TCF24: variants seen among roughly 807,000 people sequenced by gnomAD.
TCF24 encodes the protein transcription factor 24.
TCF24 carries 5 observed loss-of-function variants against 9.3 expected under a neutral mutation model. That is an observed-to-expected ratio of 0.54 (90% CI 0.28 to 1.13). The LOEUF (loss-of-function observed/expected upper bound fraction) is 1.13. Ranked by LOEUF, TCF24 falls within the 50% of genes most tolerant of loss-of-function variation. The pLI is 0.09. For synonymous variants in TCF24, 110 were observed against 115.8 expected (o/e 0.95, Z 0.32); for missense variants, 220 against 236.1 (o/e 0.93, Z 0.45).
chr8:66,953,612 C>G (rs895791492), intron 3 of TCF24, among the ~76,000 whole-genome samples: 16 of 151,558 alleles, frequency 1.1e-4, no homozygotes, highest in Non-Finnish European at 4.4e-5. Context: ...TTGTGGCGTT[C>G]TCTGTATTTC....
At chr8:66,955,381 TA>T (rs754507682) in intron 3 of TCF24, among the ~76,000 whole-genome samples, 1,752 of 135,944 alleles carry the variant, frequency 0.013, 16 homozygotes, top group African/African-American at 0.033. Flanking sequence ...AGAGAGGGAC[TA>T]AAAAAAAAAA....
intron 3 of TCF24, among the ~76,000 whole-genome samples, chr8:66,952,548 G>A (rs931647255): frequency 2.5e-3 from 379 of 151,430 alleles, no homozygotes; most frequent in Non-Finnish European, 3.6e-3. Context: ...GTGTGGTGTG[G>A]TGCTGAAAAA....
intron 3 of TCF24, among the ~76,000 whole-genome samples, chr8:66,949,776 T>C (rs1186742176): frequency 6.6e-6 from 1 of 150,620 alleles, no homozygotes; most frequent in Non-Finnish European, 1.5e-5. Flanking sequence ...TGTTGTTTCC[T>C]GACTTTTTAA....
intron 2 of TCF24, 26 bp downstream of exon 2, chr8:66,961,851 C>A: frequency 1.0e-6 from 1 of 994,054 alleles, no homozygotes; most frequent in South Asian, 4.7e-5. Context: ...AGAGGCGCAG[C>A]CCCCTGGTTC....
rs1479640672 is a variant in TCF24 at position 66,946,914 on chromosome 8, T to TTAAAAAAAAG, written c.*1136_*1137insCTTTTTTTTA. ...GAAATTCTTGCTGTTAAATTTAGTG[T>TTAAAAAAAAG]TTACAATTCAGTTTGAGGTAACTTT... On this transcript the variant is annotated 3_prime_UTR_variant, in exon 4 of 4. Coordinates refer to ENST00000563496, the MANE Select transcript of TCF24 (RefSeq NM_001193502.2). 2.6e-5 allele frequency: 4 copies of TTAAAAAAAAG among 152,194 alleles called. No homozygotes were observed. Among genetic ancestry groups the TTAAAAAAAAG allele is most frequent in the Admixed American group, 6.5e-5 (1 of 15,270 alleles). The allele number at this position is 152,194 out of a possible 1,614,324, so 9.4% of individuals were successfully genotyped here.
chr8:66,961,693 G>C lies in TCF24; in HGVS notation c.73C>G (p.Arg25Gly), dbSNP rs919062482. 1.8e-6 allele frequency: 2 copies of C among 1,092,122 alleles called. No individual in the cohort carries two copies. The highest frequency in any genetic ancestry group is 2.2e-6 in the Non-Finnish European group (2 of 899,972). The allele number at this position is 1,092,122 out of a possible 1,614,324, so 67.7% of individuals were successfully genotyped here. The change falls in exon 3 of 4, where the codon CGC (arginine) becomes GGC (glycine). Residue 25 changes from arginine to glycine, a missense_variant. Physicochemically the swap from Arg to Gly is moderately radical, Grantham distance 125. Transcript: ENST00000563496. The stretch of plus-strand genomic sequence containing the variant: ...CCGGTCCGCCCGGGACGCGAGTCGC[G>C]GATGGCGGCGGCCAGGGGCGCGGGC... Reference protein sequence around the residue: ...AEPAPLAAAIRDSRPGRTGPG... With the variant: ...AEPAPLAAAIGDSRPGRTGPG...
In TCF24 at chr8:66,947,822, C is replaced by T. The variant is rs932965785; in HGVS notation, c.*229G>A. ...TCATGTGACTTTTTTCTAATAATTT[C>T]TCTTGCACTATATAGTAGTGACTCT... On this transcript the variant is annotated 3_prime_UTR_variant, in exon 4 of 4. Coordinates refer to ENST00000563496, the MANE Select transcript of TCF24 (RefSeq NM_001193502.2). 3.0e-6 allele frequency: 1 copy of T among 329,136 alleles called. No homozygotes were observed. Among genetic ancestry groups the T allele is most frequent in the African/African-American group, 2.1e-5 (1 of 47,214 alleles). The allele number at this position is 329,136 out of a possible 1,614,324, so 20.4% of individuals were successfully genotyped here.
intron 3 of TCF24, chr8:66,954,956 A>C (rs1265695774): frequency 6.5e-6 from 1 of 154,544 alleles, no homozygotes; most frequent in Non-Finnish European, 1.4e-5. Context: ...CTTGGCTCGC[A>C]CACGGTGCGC....
chr8:66,948,586 A>G (rs1334924047), intron 3 of TCF24, among the ~76,000 whole-genome samples: 4 of 152,214 alleles, frequency 2.6e-5, no homozygotes, highest in African/African-American at 7.2e-5. Context: ...AGTGAGCACT[A>G]TATTTTAAAA....
At chr8:66,949,610 GT>G (rs1814024521) in intron 3 of TCF24, among the ~76,000 whole-genome samples, 2 of 152,120 alleles carry the variant, frequency 1.3e-5, no homozygotes, top group Non-Finnish European at 2.9e-5. Flanking sequence ...AATCCTTTGG[GT>G]ATATACCCAG....
At chr8:66,953,829 G>A (rs374949543) in intron 3 of TCF24, among the ~76,000 whole-genome samples, 112 of 151,708 alleles carry the variant, frequency 7.4e-4, no homozygotes, top group African/African-American at 2.4e-3. Flanking sequence ...TTCCCTTCTC[G>A]CTTCATTTCA....
intron 3 of TCF24, among the ~76,000 whole-genome samples, chr8:66,948,821 G>A (rs1220042815): frequency 1.3e-5 from 2 of 151,994 alleles, no homozygotes; most frequent in African/African-American, 4.8e-5. Flanking sequence ...TCAGCCTCCT[G>A]AGTAGCTAGG....
At chr8:66,950,088 T>C (rs1244644862) in intron 3 of TCF24, among the ~76,000 whole-genome samples, 5 of 121,952 alleles carry the variant, frequency 4.1e-5, no homozygotes, top group Non-Finnish European at 3.4e-5. Context: ...TTTCTTTTGC[T>C]GTGCAGAAGC....
chr8:66,953,265 T>C (rs1419531199), intron 3 of TCF24, among the ~76,000 whole-genome samples: 1 of 151,988 alleles, frequency 6.6e-6, no homozygotes, highest in Non-Finnish European at 1.5e-5. Flanking sequence ...AGCGCTTCCT[T>C]CAGGAGCTCT....
In TCF24 at chr8:66,950,337, T is replaced by C. The variant is rs1187369318; in HGVS notation, c.391-2173A>G. ...GCTTTCTACATATGGCTAGCCAGTT[T>C]TCCCAGCACCATTTATTAAATAGGG... On this transcript the variant is annotated intron_variant, in intron 3 of 3. Coordinates refer to ENST00000563496, the MANE Select transcript of TCF24 (RefSeq NM_001193502.2). 2.8e-4 allele frequency among the ~76,000 whole-genome samples: 42 copies of C among 151,346 alleles called. 1 individual carries two copies. The highest frequency in any genetic ancestry group is 1.0e-3 in the African/African-American group (42 of 41,426).
rs572892753 is a variant in TCF24, at chr8:66,962,503, G to A, written c.-309C>T. 1.3e-5 allele frequency: 2 copies of A among 152,662 alleles called. No homozygotes were observed. The highest frequency in any genetic ancestry group is 1.9e-4 in the East Asian group (1 of 5,190). 9.5% of individuals were successfully genotyped at this position (152,662 alleles called of 1,614,324 possible). On this transcript the variant is annotated 5_prime_UTR_variant, in exon 1 of 4. Transcript: ENST00000563496. Reference sequence around the variant, plus strand: ...TGTGACTTTTATGCGGGCGCCCCGCGGCCAGGCGTGTGTGCTCCGACCGGC... The same window carrying A: ...TGTGACTTTTATGCGGGCGCCCCGCAGCCAGGCGTGTGTGCTCCGACCGGC...
Position 66,961,932 on chromosome 8 carries a change from C to T in TCF24, c.-79G>A, listed in dbSNP as rs756050571. ...AAGCGAGCTCGTTTTGCCTGGGACG[C>T]GATTTGCTTCCGGACGTCTGGGGAG... On this transcript the variant is annotated 5_prime_UTR_variant, in exon 2 of 4. Transcript: ENST00000563496. 1.4e-4 allele frequency: 63 copies of T among 457,596 alleles called. No homozygotes were observed. Among genetic ancestry groups the T allele is most frequent in the South Asian group, 6.6e-4 (7 of 10,562 alleles). The allele number at this position is 457,596 out of a possible 1,614,324, so 28.3% of individuals were successfully genotyped here.
intron 3 of TCF24, among the ~76,000 whole-genome samples, chr8:66,950,407 A>T (rs562350235): frequency 9.8e-4 from 149 of 152,208 alleles, no homozygotes; most frequent in Non-Finnish European, 1.9e-3. Flanking sequence ...AAGATCAGAT[A>T]GTTGTAGATA....
chr8:66,961,350 C>G (rs1020265030), intron 3 of TCF24, 26 bp downstream of exon 3: 22 of 1,432,024 alleles, frequency 1.5e-5, no homozygotes, highest in Admixed American at 5.3e-5. Flanking sequence ...TCGGCCCCAG[C>G]CCCGCGGTGC....
Sources: allele counts gnomAD v4.1 joint callset (sites outside exome capture counted in the v4.1 genomes callset), GRCh38; gene constraint gnomAD v4.1.1; transcripts MANE v1.5; gene names NCBI Gene and HGNC (gene_info 2026-07-23, HGNC 2026-07-21).